Variants in PPP2CB observed in about 807,000 individuals in gnomAD.
PPP2CB encodes the protein protein phosphatase 2 catalytic subunit beta.
Under a neutral mutation model 39.1 loss-of-function variants are expected in PPP2CB, and 18 were observed. The observed-to-expected ratio is 0.46, with a 90% CI of 0.32 to 0.68. The LOEUF is 0.68. Among genes scored for constraint, PPP2CB ranks in the 30% least tolerant of loss-of-function variants. PPP2CB has a pLI of 0.04. For synonymous variants in PPP2CB, 129 were observed against 133.8 expected, an observed-to-expected ratio of 0.96 and a Z score of 0.25; for missense variants, 226 against 396.9, an observed-to-expected ratio of 0.57 and a Z score of 3.66.
At chr8:30,787,695 T>C (rs1806366834) in intron 6 of PPP2CB, among the ~76,000 whole-genome samples, 1 of 152,216 alleles carries the variant, frequency 6.6e-6, no homozygotes, top group South Asian at 2.1e-4. Flanking sequence ...CTTGGCCTTT[T>C]ATTTGTGGGG....
intron 3 of PPP2CB, among the ~76,000 whole-genome samples, chr8:30,795,119 ATTTTT>A (rs893547625): frequency 4.7e-5 from 6 of 127,494 alleles, no homozygotes; most frequent in Admixed American, 1.6e-4. Flanking sequence ...TCTGATTTTG[ATTTTT>A]TTTTTTTTTT....
At position 30,789,993 on chromosome 8, in the gene PPP2CB, C is replaced by T. The variant is rs141788103; in HGVS notation, c.857+1204G>A. Among the ~76,000 whole-genome samples the T allele has an allele frequency of 4.8e-3, 738 of 152,298 alleles. 7 individuals are homozygous for T. Among genetic ancestry groups the T allele is most frequent in the African/African-American group, 0.017 (697 of 41,564 alleles). ...TGCATCACTTGAATCTCTGGCTTCA[C>T]ACAGCATTCTCCCCTGTGTGTGTTT... On this transcript the variant is annotated intron_variant, in intron 6 of 6. Coordinates refer to ENST00000221138, the MANE Select transcript of PPP2CB (RefSeq NM_001009552.2).
intron 5 of PPP2CB, among the ~76,000 whole-genome samples, chr8:30,792,085 C>CAT (rs1806447449): frequency 6.6e-6 from 1 of 152,056 alleles, no homozygotes; most frequent in South Asian, 2.1e-4. Context: ...CACACACACA[C>CAT]ATCCTGTGTT....
chr8:30,804,436 A>G (rs571880123), intron 1 of PPP2CB, among the ~76,000 whole-genome samples: 28 of 152,296 alleles, frequency 1.8e-4, no homozygotes, highest in African/African-American at 3.1e-4. Flanking sequence ...CGGACTTTGG[A>G]TGATCCCACT....
intron 1 of PPP2CB, among the ~76,000 whole-genome samples, chr8:30,805,216 T>A (rs56267947): frequency 0.094 from 14,267 of 152,204 alleles, 702 homozygotes; most frequent in South Asian, 0.13. Flanking sequence ...GACATAAATA[T>A]CATGCGGAAC....
At chr8:30,811,372 T>C (rs2128763274) in intron 1 of PPP2CB, among the ~76,000 whole-genome samples, 1 of 152,288 alleles carries the variant, frequency 6.6e-6, no homozygotes, top group South Asian at 2.1e-4. Flanking sequence ...AACACTTTAC[T>C]TCCAAGAGCC....
chr8:30,803,787 G>T (rs1211431403), intron 1 of PPP2CB, among the ~76,000 whole-genome samples: 1 of 98,282 alleles, frequency 1.0e-5, no homozygotes, highest in Non-Finnish European at 1.9e-5. Context: ...AACTTTTGGA[G>T]AATTTATACA....
At chr8:30,800,630 C>T (rs746290337) in intron 1 of PPP2CB, among the ~76,000 whole-genome samples, 1 of 152,070 alleles carries the variant, frequency 6.6e-6, no homozygotes, top group African/African-American at 2.4e-5. Context: ...ATCGATCTGG[C>T]CTCTCTGCCT....
At chr8:30,805,567 A>G (rs1406592442) in intron 1 of PPP2CB, among the ~76,000 whole-genome samples, 1 of 152,152 alleles carries the variant, frequency 6.6e-6, no homozygotes, top group Non-Finnish European at 1.5e-5. Flanking sequence ...ATCACAAAAA[A>G]ACAAAAAAAA....
intron 3 of PPP2CB, among the ~76,000 whole-genome samples, chr8:30,796,387 ATTTT>A (rs1806527180): frequency 6.6e-6 from 1 of 151,938 alleles, no homozygotes; most frequent in African/African-American, 2.4e-5. Context: ...ATATTTATTT[ATTTT>A]ATTTTTTGAG....
chr8:30,797,847 G>A (rs1116003), intron 2 of PPP2CB, 93 bp from the exon 3 acceptor site: 211,183 of 1,251,194 alleles, frequency 0.17, 21,782 homozygotes, highest in African/African-American at 0.46. Context: ...TAAACACGGC[G>A]CTTTTGGCCA....
chr8:30,812,362 A>G lies in PPP2CB; in HGVS notation c.60T>C (p.Cys20=). The G allele has an allele frequency of 6.4e-7, 1 of 1,562,834 alleles. No homozygotes were observed. The highest frequency in any genetic ancestry group is 2.4e-5 in the East Asian group (1 of 41,192). ...GCACTTGGTTCTCGTTCAGCTGCTT[A>G]CACTCGTTCAGCTGCTCGACCCACT... ...LDQWVEQLNE[C]KQLNENQVRT... is the part of the protein sequence containing the mutation. Residue 20 remains cysteine (C), a synonymous_variant, in exon 1 of 7, where the codon TGT becomes TGC. Coordinates refer to ENST00000221138, the MANE Select transcript of PPP2CB (RefSeq NM_001009552.2).
intron 6 of PPP2CB, among the ~76,000 whole-genome samples, chr8:30,787,074 T>C (rs1304504889): frequency 1.3e-5 from 2 of 152,224 alleles, no homozygotes; most frequent in Non-Finnish European, 2.9e-5. Context: ...TAATATGGTT[T>C]ATTATATTGA....
intron 2 of PPP2CB, among the ~76,000 whole-genome samples, chr8:30,799,216 CTG>C (rs1383785024): frequency 2.0e-5 from 3 of 152,100 alleles, no homozygotes; most frequent in Non-Finnish European, 2.9e-5. Flanking sequence ...AAGTGATAAA[CTG>C]TGTGAAAATA....
Position 30,812,383 on chromosome 8 carries a change from C to CCA in PPP2CB, c.37_38dup (p.Trp13CysfsTer6). On this transcript the variant is annotated frameshift_variant, in exon 1 of 7. Transcript: ENST00000221138. LOFTEE classifies it high-confidence loss of function. ...GCTTACACTCGTTCAGCTGCTCGAC[C>CCA]CACTGGTCCAGCTCCTTGGTGAACG... The CCA allele has an allele frequency of 6.4e-7, 1 of 1,559,874 alleles. No individual in the cohort carries two copies.
chr8:30,796,714 A>T (rs1234325617), intron 3 of PPP2CB, among the ~76,000 whole-genome samples: 1 of 152,190 alleles, frequency 6.6e-6, no homozygotes, highest in African/African-American at 2.4e-5. Context: ...AATTTAAATC[A>T]GTTCATGCTT....
At chr8:30,807,437 T>A (rs55777968) in intron 1 of PPP2CB, among the ~76,000 whole-genome samples, 22,303 of 152,246 alleles carry the variant, frequency 0.15, 1,835 homozygotes, top group African/African-American at 0.24. Context: ...TATCCTAAAG[T>A]TATTTCTGCT....
rs778815366 is a variant in PPP2CB at position 30,794,178 on chromosome 8, T to A, written c.576+14A>T. On this transcript the variant is annotated intron_variant, in intron 4 of 6. Transcript: ENST00000221138. ...TTTCTTTTCCTTTCTTCTTCTTTTT[T>A]AAATTAAGTTTACCTCATGTGGAAC... is the stretch of plus-strand genomic sequence containing the variant. The A allele has an allele frequency of 5.7e-5, 92 of 1,611,816 alleles. No homozygotes were observed. Among genetic ancestry groups the A allele is most frequent in the Non-Finnish European group, 7.6e-5 (90 of 1,179,020 alleles).
intron 5 of PPP2CB, among the ~76,000 whole-genome samples, chr8:30,792,671 G>T (rs910058020): frequency 4.0e-5 from 6 of 150,530 alleles, no homozygotes; most frequent in Non-Finnish European, 5.9e-5. Flanking sequence ...GCCCAGGCTG[G>T]TCTGAAACTC....
Sources: allele counts gnomAD v4.1 joint callset (sites outside exome capture counted in the v4.1 genomes callset), GRCh38; gene constraint gnomAD v4.1.1; transcripts MANE v1.5; gene names NCBI Gene and HGNC (gene_info 2026-07-23, HGNC 2026-07-21).